CTNND2: variants seen among roughly 807,000 people sequenced by gnomAD.
CTNND2 encodes catenin delta 2.
CTNND2 carries 22 observed loss-of-function variants against 144.4 expected under a neutral mutation model. The ratio of observed to expected loss-of-function variants is 0.15; its 90% confidence interval spans 0.11 to 0.22. The LOEUF is 0.22. Ranked by LOEUF, CTNND2 falls within the 10% of genes least tolerant of loss-of-function variation. CTNND2 has a pLI of 1.00. For missense variants in CTNND2, 1,353 were observed against 1,618.8 expected (o/e 0.84, Z 2.82); for synonymous variants, 751 against 695.6 (o/e 1.08, Z -1.25).
intron 1 of CTNND2, among the ~76,000 whole-genome samples, chr5:11,798,795 G>T (rs951198699): frequency 7.9e-5 from 12 of 151,994 alleles, no homozygotes; most frequent in African/African-American, 2.9e-4. Context: ...TTATATGGTT[G>T]CATTTATCTC....
intron 1 of CTNND2, among the ~76,000 whole-genome samples, chr5:11,822,325 T>G (rs548798886): frequency 2.2e-4 from 34 of 152,286 alleles, no homozygotes; most frequent in Admixed American, 5.9e-4. Flanking sequence ...AGTAATACCT[T>G]TGGTTGAGAA....
intron 9 of CTNND2, among the ~76,000 whole-genome samples, chr5:11,312,259 C>T (rs969051463): frequency 3.3e-5 from 5 of 150,346 alleles, no homozygotes; most frequent in African/African-American, 9.8e-5. Context: ...ACTCCTCATA[C>T]ATCCTCTCCC....
chr5:11,157,861 T>C (rs150816231), intron 12 of CTNND2, among the ~76,000 whole-genome samples: 3 of 152,290 alleles, frequency 2.0e-5, no homozygotes, highest in Non-Finnish European at 2.9e-5. Context: ...TATGTGTGAA[T>C]AGACAGGGAT....
At chr5:11,490,060 C>A (rs1769245678) in intron 3 of CTNND2, among the ~76,000 whole-genome samples, 1 of 152,142 alleles carries the variant, frequency 6.6e-6, no homozygotes, top group East Asian at 1.9e-4. Context: ...TGCAGGCAAA[C>A]CTCATGATAA....
intron 1 of CTNND2, among the ~76,000 whole-genome samples, chr5:11,871,026 T>C (rs1293637306): frequency 6.6e-6 from 1 of 152,196 alleles, no homozygotes; most frequent in African/African-American, 2.4e-5. Flanking sequence ...GGTAAGGTCA[T>C]GAGGGTAGAG....
intron 10 of CTNND2, among the ~76,000 whole-genome samples, chr5:11,234,308 G>T (rs139241862): frequency 6.6e-6 from 1 of 152,200 alleles, no homozygotes; most frequent in East Asian, 1.9e-4. Context: ...TGTCTTAACC[G>T]TTCCTGGCCA....
chr5:11,879,363 ACACACACAC>A (rs1735849218), intron 1 of CTNND2, among the ~76,000 whole-genome samples: 1 of 138,480 alleles, frequency 7.2e-6, no homozygotes, highest in Non-Finnish European at 1.6e-5. Flanking sequence ...ATATACATAT[ACACACACAC>A]ACAAACATAT....
chr5:11,401,690 A>G (rs1760665357), intron 5 of CTNND2, among the ~76,000 whole-genome samples: 1 of 152,222 alleles, frequency 6.6e-6, no homozygotes. Context: ...TAAGCGAGGA[A>G]GGTACAACCA....
At chr5:11,179,221 A>G (rs1760767745) in intron 11 of CTNND2, among the ~76,000 whole-genome samples, 1 of 152,054 alleles carries the variant, frequency 6.6e-6, no homozygotes, top group Non-Finnish European at 1.5e-5. Context: ...TGAACCCAGG[A>G]GATGGAGGTT....
At chr5:11,792,937 A>G (rs1369647405) in intron 1 of CTNND2, among the ~76,000 whole-genome samples, 2 of 152,018 alleles carry the variant, frequency 1.3e-5, no homozygotes, top group East Asian at 3.8e-4. Context: ...ATTTAGGGGG[A>G]AAAAACGTCC....
At chr5:11,743,668 G>A (rs561675780) in intron 1 of CTNND2, among the ~76,000 whole-genome samples, 92 of 152,290 alleles carry the variant, frequency 6.0e-4, no homozygotes, top group Middle Eastern at 3.4e-3. Context: ...TGGGGGTGTG[G>A]CATTAGGTCT....
intron 18 of CTNND2, among the ~76,000 whole-genome samples, chr5:11,017,346 G>C (rs1741720135): frequency 6.6e-6 from 1 of 151,932 alleles, no homozygotes; most frequent in South Asian, 2.1e-4. Flanking sequence ...TGCCTGCCTT[G>C]TGAGAGGAAC....
Position 11,527,762 on chromosome 5 carries a change from G to A in CTNND2, c.287+37182C>T, listed in dbSNP as rs1015340823. On this transcript the variant is annotated intron_variant, in intron 3 of 21. Coordinates refer to ENST00000304623, the MANE Select transcript of CTNND2 (RefSeq NM_001332.4). ...CTAAATTTTACTGTATACTCTTAAC[G>A]AGAAAGGGTGATCTTATGCTTTATG... 3.3e-5 allele frequency among the ~76,000 whole-genome samples: 5 copies of A among 152,060 alleles called. No homozygotes were observed. In the East Asian group the frequency reaches 5.8e-4, roughly 18 times the overall value.
rs568590252 is a variant in CTNND2 at position 10,983,759 on chromosome 5, A to G, written c.3344-1913T>C. 5.9e-5 allele frequency among the ~76,000 whole-genome samples: 9 copies of G among 152,246 alleles called. No homozygotes were observed. In the South Asian group the frequency reaches 1.7e-3, roughly 28 times the overall value. ...CCAACAGTTAGAATGCTGTCTTTGT[A>G]ACACAAGTTGGGTTCTGTCTCTTTC... On this transcript the variant is annotated intron_variant, in intron 20 of 21. Transcript: ENST00000304623.
chr5:11,748,223 A>G (rs1021542833), intron 1 of CTNND2, among the ~76,000 whole-genome samples: 2 of 152,144 alleles, frequency 1.3e-5, no homozygotes, highest in Admixed American at 1.3e-4. Flanking sequence ...ATAATTTTAT[A>G]GCTGCCAAGA....
chr5:11,097,842 G>C (rs755201237), intron 15 of CTNND2, among the ~76,000 whole-genome samples: 1 of 152,158 alleles, frequency 6.6e-6, no homozygotes, highest in African/African-American at 2.4e-5. Context: ...TTCTCTCTTG[G>C]TATTCTCCCC....
chr5:11,277,167 G>A (rs971889545), intron 9 of CTNND2, among the ~76,000 whole-genome samples: 2 of 151,934 alleles, frequency 1.3e-5, no homozygotes, highest in Non-Finnish European at 1.5e-5. Context: ...CTAGAGCAGT[G>A]AGAGAAAATA....
intron 13 of CTNND2, among the ~76,000 whole-genome samples, chr5:11,115,597 C>T (rs1185816355): frequency 3.3e-5 from 5 of 152,132 alleles, no homozygotes; most frequent in East Asian, 1.9e-4. Context: ...ATTTTCCTGT[C>T]GATGATACTA....
In CTNND2 at chr5:10,988,660, T is replaced by G. The variant is rs1738320008; in HGVS notation, c.3212-418A>C. ...CCTTAATTAGATGTGTTTCAGAAGA[T>G]CTATTACTGATATTGACTAATCCTT... On this transcript the variant is annotated intron_variant, in intron 19 of 21. Coordinates refer to ENST00000304623, the MANE Select transcript of CTNND2 (RefSeq NM_001332.4). The surrounding 1 kb of genome is among the most constrained non-coding windows in gnomAD (Gnocchi z 5.9). Among the ~76,000 whole-genome samples, 1 of 152,184 alleles carries G rather than the reference T, an allele frequency of 6.6e-6. No homozygotes were observed. Among genetic ancestry groups the G allele is most frequent in the East Asian group, 1.9e-4 (1 of 5,196 alleles).
Sources: allele counts gnomAD v4.1 joint callset (sites outside exome capture counted in the v4.1 genomes callset), GRCh38; gene constraint gnomAD v4.1.1; non-coding constraint Gnocchi (gnomAD v3.1); transcripts MANE v1.5; gene names NCBI Gene and HGNC (gene_info 2026-07-23, HGNC 2026-07-21).